The following KCNJ6 variants were observed in gnomAD, a reference collection of about 807,000 sequenced individuals.
KCNJ6 encodes the protein G protein-activated inward rectifier potassium channel 2.
KCNJ6 carries 9 observed loss-of-function variants against 34.2 expected under a neutral mutation model. The observed-to-expected ratio is 0.26, with a 90% CI of 0.16 to 0.46. The LOEUF (loss-of-function observed/expected upper bound fraction) is 0.46. Ranked by LOEUF, KCNJ6 falls within the 20% of genes least tolerant of loss-of-function variation. The pLI, the probability that KCNJ6 is intolerant of heterozygous loss-of-function variation, is 1.00. For missense variants in KCNJ6, 236 were observed against 531.3 expected (o/e 0.44, Z 5.46); for synonymous variants, 196 against 207.1 (o/e 0.95, Z 0.46).
At chr21:37,867,721 T>G (rs972548867) in intron 1 of KCNJ6, among the ~76,000 whole-genome samples, 1 of 152,052 alleles carries the variant, frequency 6.6e-6, no homozygotes, top group African/African-American at 2.4e-5. Context: ...TGAAAAACCA[T>G]ATGATAAAAA....
intron 2 of KCNJ6, among the ~76,000 whole-genome samples, chr21:37,826,176 G>A (rs1356115668): frequency 6.6e-6 from 1 of 151,206 alleles, no homozygotes; most frequent in Non-Finnish European, 1.5e-5. Flanking sequence ...TTAGTGTTGA[G>A]GTACCCTGGG....
rs987612247 is a variant in KCNJ6, at chr21:37,610,709, A to C, written c.*14450T>G. On this transcript the variant is annotated 3_prime_UTR_variant, in exon 4 of 4. Transcript: ENST00000609713. ...AGAAAGGTAGCTGGAAAATGCCAAA[A>C]TACTTGGAGATTAAACAACACACGT... The C allele has an allele frequency of 3.9e-5, 6 of 152,122 alleles. No homozygotes were observed. Among genetic ancestry groups the C allele is most frequent in the Admixed American group, 6.5e-5 (1 of 15,270 alleles). 9.4% of individuals were successfully genotyped at this position (152,122 alleles called of 1,614,324 possible). A position where few individuals can be genotyped will look rare whatever the true frequency, so the allele number is the denominator to read the frequency against.
chr21:37,799,559 A>G (rs1317565867), intron 2 of KCNJ6, among the ~76,000 whole-genome samples: 1 of 152,220 alleles, frequency 6.6e-6, no homozygotes, highest in Non-Finnish European at 1.5e-5. Context: ...TGCTTGAGGC[A>G]GAAAAAATAA....
rs1245581390 is a variant in KCNJ6, at chr21:37,616,003, G to C, written c.*9156C>G. On this transcript the variant is annotated 3_prime_UTR_variant, in exon 4 of 4. Transcript: ENST00000609713. The stretch of plus-strand genomic sequence containing the variant: ...AGGATGGGAATACCCCAGACCTGGC[G>C]TGCGGAGGGAGCTCCTGTGTGCTGG... 10 of 152,226 alleles carry C rather than the reference G, an allele frequency of 6.6e-5. No homozygotes were observed. The highest frequency in any genetic ancestry group is 5.9e-4 in the Admixed American group (9 of 15,280). 9.4% of individuals were successfully genotyped at this position (152,226 alleles called of 1,614,324 possible). A position where few individuals can be genotyped will look rare whatever the true frequency, so the allele number is the denominator to read the frequency against.
intron 2 of KCNJ6, among the ~76,000 whole-genome samples, chr21:37,724,379 C>T (rs1036080022): frequency 6.6e-6 from 1 of 152,066 alleles, no homozygotes; most frequent in Non-Finnish European, 1.5e-5. Flanking sequence ...GGTTTTAGCT[C>T]ATGGGTAACA....
chr21:37,891,022 G>C (rs1456906251), intron 1 of KCNJ6, among the ~76,000 whole-genome samples: 1 of 152,154 alleles, frequency 6.6e-6, no homozygotes, highest in Non-Finnish European at 1.5e-5. Flanking sequence ...TTAAACACAA[G>C]GGATCCTGAG....
At chr21:37,654,112 T>G (rs1213433628) in intron 3 of KCNJ6, among the ~76,000 whole-genome samples, 2 of 150,572 alleles carry the variant, frequency 1.3e-5, no homozygotes, top group Admixed American at 1.3e-4. Context: ...TGGGTTTTTT[T>G]TTTTTTTTTT....
chr21:37,702,112 A>C lies in KCNJ6; in HGVS notation c.946+12099T>G, dbSNP rs2054694161. Among the ~76,000 whole-genome samples, 3 of 151,728 alleles carry C rather than the reference A, an allele frequency of 2.0e-5. No individual in the cohort carries two copies. The South Asian group carries it at 6.3e-4, about 32-fold the overall frequency. On this transcript the variant is annotated intron_variant, in intron 3 of 3. Coordinates refer to ENST00000609713, the MANE Select transcript of KCNJ6 (RefSeq NM_002240.5). ...GCTGGGCGTGGTGGTGGGCGCCTGT[A>C]ATCCCAGCTACTTGGGAGGCTGAGG...
intron 2 of KCNJ6, among the ~76,000 whole-genome samples, chr21:37,750,892 ATAT>A (rs1440303543): frequency 6.6e-6 from 1 of 152,192 alleles, no homozygotes; most frequent in Non-Finnish European, 1.5e-5. Context: ...AAAAAATGCA[ATAT>A]TATTATTAGA....
intron 1 of KCNJ6, among the ~76,000 whole-genome samples, chr21:37,890,347 C>G (rs759117634): frequency 1.3e-5 from 2 of 152,180 alleles, no homozygotes; most frequent in African/African-American, 4.8e-5. Flanking sequence ...TACTTCCCAC[C>G]AGGTCCCTCC....
intron 2 of KCNJ6, among the ~76,000 whole-genome samples, chr21:37,771,071 T>C (rs529632305): frequency 6.6e-5 from 10 of 152,336 alleles, no homozygotes; most frequent in East Asian, 5.8e-4. Flanking sequence ...AATTATGACA[T>C]GGCTATTGTC....
At chr21:37,833,472 A>G (rs1238483148) in intron 2 of KCNJ6, among the ~76,000 whole-genome samples, 1 of 152,140 alleles carries the variant, frequency 6.6e-6, no homozygotes, top group East Asian at 1.9e-4. Context: ...CAGAAGTGAC[A>G]TGTGTCATGT....
rs1315879753 is a variant in KCNJ6 at position 37,753,590 on chromosome 21, G to T, written c.26-38459C>A. ...CTTAGCCTGGTTCTGCTCCTACTGTGCAAAGGGCAGTCTGGAGATAGCAGG... is the reference window on the plus strand; with the variant it reads ...CTTAGCCTGGTTCTGCTCCTACTGTTCAAAGGGCAGTCTGGAGATAGCAGG... On this transcript the variant is annotated intron_variant, in intron 2 of 3. Transcript: ENST00000609713. Among the ~76,000 whole-genome samples, 3 of 152,210 alleles carry T rather than the reference G, an allele frequency of 2.0e-5. No individual in the cohort carries two copies. The East Asian group carries it at 5.8e-4, about 29-fold the overall frequency.
chr21:37,841,681 T>C (rs1375934478), intron 1 of KCNJ6, among the ~76,000 whole-genome samples: 1 of 152,256 alleles, frequency 6.6e-6, no homozygotes, highest in East Asian at 1.9e-4. Context: ...ACACATTTTG[T>C]GTTGAAGCAA....
chr21:37,782,245 C>A (rs531721980), intron 2 of KCNJ6, among the ~76,000 whole-genome samples: 7 of 152,256 alleles, frequency 4.6e-5, no homozygotes, highest in Admixed American at 3.9e-4. Context: ...CCCTGAGAAA[C>A]CCCAGAAGGA....
chr21:37,686,484 T>TTG (rs756302881), intron 3 of KCNJ6, among the ~76,000 whole-genome samples: 1 of 96,178 alleles, frequency 1.0e-5, no homozygotes, highest in Non-Finnish European at 1.9e-5. Flanking sequence ...TTTTTTTTTT[T>TTG]GGAGATGGAG....
chr21:37,696,634 G>A (rs1256255703), intron 3 of KCNJ6, among the ~76,000 whole-genome samples: 2 of 152,052 alleles, frequency 1.3e-5, no homozygotes, highest in East Asian at 1.9e-4. Flanking sequence ...TGGAAAAATT[G>A]GCAAAATCTG....
chr21:37,681,433 C>A (rs1170478910), intron 3 of KCNJ6, among the ~76,000 whole-genome samples: 1 of 152,212 alleles, frequency 6.6e-6, no homozygotes, highest in Non-Finnish European at 1.5e-5. Context: ...CTCTGGACAG[C>A]TCTTATGTTG....
intron 2 of KCNJ6, among the ~76,000 whole-genome samples, chr21:37,723,472 A>G (rs879578241): frequency 3.3e-5 from 5 of 152,242 alleles, no homozygotes; most frequent in Non-Finnish European, 5.9e-5. Context: ...ATGCATTTGT[A>G]TGTTCATCGC....
Sources: gnomAD v4.1 joint callset for allele counts (sites outside exome capture counted in the v4.1 genomes callset) on GRCh38, gnomAD v4.1.1 for gene constraint, MANE v1.5 for transcripts, NCBI Gene and HGNC (gene_info 2026-07-23, HGNC 2026-07-21) for gene names.